CDKL5: variants seen among roughly 807,000 people sequenced by gnomAD.
CDKL5 encodes the protein cyclin-dependent kinase-like 5.
Under a neutral mutation model 61.7 loss-of-function variants are expected in CDKL5, and 8 were observed. The observed-to-expected ratio is 0.13, with a 90% CI of 0.08 to 0.23. The LOEUF (loss-of-function observed/expected upper bound fraction) is 0.23. CDKL5 is among the 10% of genes least tolerant of loss of function. The pLI, the probability that CDKL5 is intolerant of heterozygous loss-of-function variation, is 1.00. For missense variants in CDKL5, 440 were observed against 734.5 expected, an observed-to-expected ratio of 0.60 and a Z score of 4.63; for synonymous variants, 275 against 272.3, an observed-to-expected ratio of 1.01 and a Z score of -0.10.
intron 1 of CDKL5, among the ~76,000 whole-genome samples, chrX:18,428,238 G>A (rs1473087385): frequency 8.9e-6 from 1 of 112,237 alleles, no homozygotes; most frequent in Non-Finnish European, 1.9e-5. Flanking sequence ...GTTAACAATA[G>A]CTGCATTGTT....
chrX:18,433,942 A>G lies in CDKL5; in HGVS notation c.-163+8247A>G, dbSNP rs376779714. ...GATCCATGCCTAATGCGCGTGTCGT[A>G]GAGCAGGCTTCATCAAATTTAGGTA... On this transcript the variant is annotated intron_variant, in intron 1 of 17. Transcript: ENST00000623535. Among the ~76,000 whole-genome samples, 4 of 112,608 alleles carry G rather than the reference A, an allele frequency of 3.6e-5. No individual in the cohort carries two copies. In the East Asian group the frequency reaches 8.4e-4, roughly 24 times the overall value.
In CDKL5 at chrX:18,564,523, G is replaced by GTA; in HGVS notation, c.145+2_145+3dup. The GTA allele has an allele frequency of 1.2e-6, 1 of 818,709 alleles. No individual in the cohort carries two copies. 67.5% of individuals were successfully genotyped at this position (818,709 alleles called of 1,213,427 possible). A position where few individuals can be genotyped will look rare whatever the true frequency, so the allele number is the denominator to read the frequency against. ...ATCAAGAAATTCAAGGACAGTGAAG[G>GTA]TAGATATATATATATATATATATAT... On this transcript the variant is annotated splice_donor_variant, in intron 4 of 17. Coordinates refer to ENST00000623535, the MANE Select transcript of CDKL5 (RefSeq NM_001323289.2). LOFTEE classifies it high-confidence loss of function.
chrX:18,485,676 A>G (rs1264912424), intron 1 of CDKL5, among the ~76,000 whole-genome samples: 1 of 111,895 alleles, frequency 8.9e-6, no homozygotes, highest in African/African-American at 3.2e-5. Context: ...CAAGGATCAA[A>G]TAGTGGGTTG....
At chrX:18,575,062 G>A (rs912040305) in intron 4 of CDKL5, among the ~76,000 whole-genome samples, 2 of 111,766 alleles carry the variant, frequency 1.8e-5, no homozygotes, top group African/African-American at 3.2e-5. Context: ...ATACATACAC[G>A]TAGTAAAAGA....
At position 18,581,940 on chromosome X, in the gene CDKL5, G is replaced by C. The variant is rs762265641; in HGVS notation, c.453G>C (p.Leu151=). The change falls in exon 7 of 18, where the codon CTG becomes CTC. Residue 151 remains leucine (L), a synonymous_variant. Coordinates refer to ENST00000623535, the MANE Select transcript of CDKL5 (RefSeq NM_001323289.2). ...LLISHNDVLK[L]CDFGFARNLS... is the part of the protein sequence containing the mutation. ...TCAGCCACAATGATGTCCTAAAACT[G>C]TGTGACTTTGGTAAGTTAAAAAGAA... is the stretch of plus-strand genomic sequence containing the variant. 8.4e-7 allele frequency: 1 copy of C among 1,185,027 alleles called. No homozygotes were observed. Among genetic ancestry groups the C allele is most frequent in the African/African-American group, 1.8e-5 (1 of 56,590 alleles).
intron 17 of CDKL5, among the ~76,000 whole-genome samples, chrX:18,626,614 A>C (rs1212896406): frequency 9.4e-6 from 1 of 106,240 alleles, no homozygotes; most frequent in African/African-American, 3.5e-5. Flanking sequence ...AAAAGAATAG[A>C]GAGCTTTAGA....
intron 3 of CDKL5, among the ~76,000 whole-genome samples, chrX:18,522,921 A>T (rs764561034): frequency 5.9e-5 from 6 of 102,071 alleles, no homozygotes; most frequent in Non-Finnish European, 1.2e-4. Context: ...TCAGTCCCCC[A>T]TGCAGCTGGG....
chrX:18,613,093 T>TAAAAAAAAA, intron 14 of CDKL5, 59 bp from the exon 15 acceptor site: 1 of 767,112 alleles, frequency 1.3e-6, no homozygotes, highest in Admixed American at 3.8e-5. Context: ...AGACTCTGTC[T>TAAAAAAAAA]AAAAAAAAAA....
intron 3 of CDKL5, among the ~76,000 whole-genome samples, chrX:18,549,363 T>C (rs1924307034): frequency 8.9e-6 from 1 of 112,653 alleles, no homozygotes; most frequent in African/African-American, 3.2e-5. Flanking sequence ...TAGCAAGCTC[T>C]GTCACTCATT....
At chrX:18,484,855 C>T (rs1363297073) in intron 1 of CDKL5, among the ~76,000 whole-genome samples, 2 of 108,881 alleles carry the variant, frequency 1.8e-5, no homozygotes, top group Admixed American at 2.0e-4. Context: ...GTCTTTCAGA[C>T]TCAAGCGATC....
rs587783157 is a variant in CDKL5, at chrX:18,628,558, C to T, written c.2684C>T (p.Pro895Leu). The change falls in exon 18 of 18, where the codon CCG becomes CTG. Residue 895 changes from proline (P) to leucine (L), a missense_variant. This residue lies in a region of CDKL5 where 363 missense variants were observed against 516.3 expected (regional missense o/e 0.70). Transcript: ENST00000623535. ...GSSNIRQEPAPKGRPALQLPG... is the reference protein window; with the variant it reads ...GSSNIRQEPALKGRPALQLPG... The stretch of plus-strand genomic sequence containing the variant: ...AGCAACATCCGGCAGGAACCCGCAC[C>T]GAAGGGCAGGCCAGCCCTCCAGCTG... 11 of 1,211,711 alleles carry T rather than the reference C, an allele frequency of 9.1e-6. No individual in the cohort carries two copies. The East Asian group carries it at 1.5e-4, about 16-fold the overall frequency.
chrX:18,440,173 C>T (rs144000510), intron 1 of CDKL5, among the ~76,000 whole-genome samples: 1,232 of 111,673 alleles, frequency 0.011, 13 homozygotes, highest in African/African-American at 0.038. Flanking sequence ...TGTTTGATAG[C>T]GTTTTACCCA....
chrX:18,648,493 C>T (rs1260093116), intron 20 of CDKL5, among the ~76,000 whole-genome samples: 1 of 110,829 alleles, frequency 9.0e-6, no homozygotes, highest in African/African-American at 3.3e-5. Context: ...CCACCTGCCT[C>T]GGCCTCCCAA....
rs929007721 is a variant in CDKL5 at position 18,637,935 on chromosome X, A to G, written c.*9178A>G. On this transcript the variant is annotated 3_prime_UTR_variant, in exon 18 of 18. Coordinates refer to ENST00000623535, the MANE Select transcript of CDKL5 (RefSeq NM_001323289.2). ...TCCGCACAGCCCTTTAGATGCACGT[A>G]GCCTATTTGATCTTCGTATCAGCCC... 8.9e-6 allele frequency: 1 copy of G among 111,890 alleles called. No individual in the cohort carries two copies. Among genetic ancestry groups the G allele is most frequent in the Non-Finnish European group, 1.9e-5 (1 of 53,198 alleles). The allele number at this position is 111,890 out of a possible 1,213,427, so 9.2% of individuals were successfully genotyped here. A position where few individuals can be genotyped will look rare whatever the true frequency, so the allele number is the denominator to read the frequency against.
intron 16 of CDKL5, 134 bp from the exon 17 acceptor site, chrX:18,624,994 G>A (rs1433122640): frequency 3.0e-5 from 17 of 574,710 alleles, no homozygotes; most frequent in Non-Finnish European, 4.5e-5. Flanking sequence ...AGAGATTGGG[G>A]TTCTATTTTT....
chrX:18,645,854 G>A (rs1424275085), intron 19 of CDKL5, among the ~76,000 whole-genome samples: 2 of 110,926 alleles, frequency 1.8e-5, no homozygotes, highest in African/African-American at 6.6e-5. Context: ...TGGCTAAGAT[G>A]GCATTTCCTA....
chrX:18,459,924 G>A (rs1454956364), intron 1 of CDKL5, among the ~76,000 whole-genome samples: 1 of 107,661 alleles, frequency 9.3e-6, no homozygotes, highest in African/African-American at 3.4e-5. Context: ...CCAGGCTGGA[G>A]TGCAATGGCA....
chrX:18,436,833 A>G (rs1481234802), intron 1 of CDKL5, among the ~76,000 whole-genome samples: 1 of 92,992 alleles, frequency 1.1e-5, no homozygotes, highest in East Asian at 3.9e-4. Context: ...CAGGAGCTGG[A>G]GGCTGCAGTG....
intron 1 of CDKL5, among the ~76,000 whole-genome samples, chrX:18,473,345 A>G (rs1355014482): frequency 9.0e-6 from 1 of 111,064 alleles, no homozygotes; most frequent in Non-Finnish European, 1.9e-5. Context: ...TAGTCATAGA[A>G]TATTTAATAT....
Sources: allele counts gnomAD v4.1 joint callset (sites outside exome capture counted in the v4.1 genomes callset), GRCh38; gene constraint gnomAD v4.1.1; regional missense constraint gnomAD v4.1.1; transcripts MANE v1.5; gene names NCBI Gene and HGNC (gene_info 2026-07-23, HGNC 2026-07-21).